Variants in NGF observed in about 807,000 individuals in gnomAD.
The protein encoded by NGF is nerve growth factor.
In NGF, 4 loss-of-function variants were observed where a neutral mutation model predicts 12.8. That is an observed-to-expected ratio of 0.31 (90% CI 0.15 to 0.72). The LOEUF is 0.72. Ranked by LOEUF, NGF falls within the 30% of genes least tolerant of loss-of-function variation. The pLI, the probability that NGF is intolerant of heterozygous loss-of-function variation, is 0.69. For synonymous variants in NGF, 140 were observed against 130.0 expected (o/e 1.08, Z -0.52); for missense variants, 283 against 330.8 (o/e 0.86, Z 1.12).
At chr1:115,291,924 G>A (rs1653714159) in intron 2 of NGF, among the ~76,000 whole-genome samples, 1 of 152,056 alleles carries the variant, frequency 6.6e-6, no homozygotes, top group African/African-American at 2.4e-5. Context: ...AGCCACGAGT[G>A]ATTCTTGGGC....
At chr1:115,310,632 G>A (rs939528824) in intron 1 of NGF, among the ~76,000 whole-genome samples, 7 of 152,298 alleles carry the variant, frequency 4.6e-5, no homozygotes, top group African/African-American at 1.7e-4. Flanking sequence ...TCCAATGTGT[G>A]TGGACATATT....
At chr1:115,299,681 A>G (rs1239928981) in intron 1 of NGF, among the ~76,000 whole-genome samples, 1 of 152,236 alleles carries the variant, frequency 6.6e-6, no homozygotes, top group Admixed American at 6.5e-5. Flanking sequence ...GCTTAGTAAT[A>G]CTAGTAATAC....
intron 2 of NGF, among the ~76,000 whole-genome samples, chr1:115,289,990 C>A (rs1653632644): frequency 6.6e-6 from 1 of 152,142 alleles, no homozygotes; most frequent in Non-Finnish European, 1.5e-5. Context: ...ACCCTCATCT[C>A]TCTTCTTCCA....
At chr1:115,303,544 T>G (rs1378701882) in intron 1 of NGF, among the ~76,000 whole-genome samples, 1 of 151,716 alleles carries the variant, frequency 6.6e-6, no homozygotes, top group Non-Finnish European at 1.5e-5. Context: ...TACCACCTCC[T>G]CCGTCATCAT....
In NGF at chr1:115,337,267, G is replaced by GTT. The variant is rs67307707; in HGVS notation, c.-137+935_-137+936dup. On this transcript the variant is annotated intron_variant, in intron 1 of 2. Transcript: ENST00000369512. The stretch of plus-strand genomic sequence containing the variant: ...TCGAAATTTTTTTTGTTTTGTTTTT[G>GTT]TTTTTTTTTTTTTTTTTTTTTTTTT... Among the ~76,000 whole-genome samples, 59 of 81,018 alleles carry GTT rather than the reference G, an allele frequency of 7.3e-4. 6 individuals are homozygous for GTT. Among genetic ancestry groups the GTT allele is most frequent in the Non-Finnish European group, 1.1e-3 (45 of 42,668 alleles). 53.2% of individuals were successfully genotyped at this position (81,018 alleles called of 152,430 possible).
chr1:115,322,543 G>A lies in NGF; in HGVS notation c.-137+15661C>T, dbSNP rs1359861412. 8.5e-5 allele frequency among the ~76,000 whole-genome samples: 13 copies of A among 152,216 alleles called. No homozygotes were observed. In the East Asian group the frequency reaches 2.3e-3, roughly 27 times the overall value. On this transcript the variant is annotated intron_variant, in intron 1 of 2. Coordinates refer to ENST00000369512, the MANE Select transcript of NGF (RefSeq NM_002506.3). ...CTGTCCCCCCCTAAATTGTGAAATA[G>A]TGCCTTAGGAACCCAGGTTGGACCT...
At chr1:115,319,556 T>C (rs1422196537) in intron 1 of NGF, among the ~76,000 whole-genome samples, 1 of 152,202 alleles carries the variant, frequency 6.6e-6, no homozygotes, top group South Asian at 2.1e-4. Context: ...ACCTTTTCTT[T>C]TGGCAAATTT....
In NGF at chr1:115,325,312, A is replaced by G. The variant is rs1455650358; in HGVS notation, c.-137+12892T>C. Reference sequence around the variant, plus strand: ...GAGACAGTCAGGGTCCAGATCGTATAAGGCAGATTTCCTCCACCCCAGAAC... The same window carrying G: ...GAGACAGTCAGGGTCCAGATCGTATGAGGCAGATTTCCTCCACCCCAGAAC... On this transcript the variant is annotated intron_variant, in intron 1 of 2. Transcript: ENST00000369512. Among the ~76,000 whole-genome samples the G allele has an allele frequency of 2.0e-5, 3 of 152,170 alleles. No homozygotes were observed. In the East Asian group the frequency reaches 5.8e-4, roughly 29 times the overall value.
intron 1 of NGF, among the ~76,000 whole-genome samples, chr1:115,315,982 C>T (rs1035992038): frequency 6.6e-6 from 1 of 152,140 alleles, no homozygotes; most frequent in Non-Finnish European, 1.5e-5. Flanking sequence ...GGCACATCAG[C>T]GGATTAAGCA....
chr1:115,304,329 A>ATTTTTTTTTTTTTTTTTTTTTTTTTTTTT lies in NGF; in HGVS notation c.-136-10580_-136-10579insAAAAAAAAAAAAAAAAAAAAAAAAAAAAA, dbSNP rs58345237. Among the ~76,000 whole-genome samples the ATTTTTTTTTTTTTTTTTTTTTTTTTTTTT allele has an allele frequency of 7.6e-4, 61 of 80,792 alleles. 4 individuals carry two copies. Among genetic ancestry groups the ATTTTTTTTTTTTTTTTTTTTTTTTTTTTT allele is most frequent in the Admixed American group, 1.3e-3 (8 of 6,186 alleles). The allele number at this position is 80,792 out of a possible 152,430, so 53.0% of individuals were successfully genotyped here. On this transcript the variant is annotated intron_variant, in intron 1 of 2. Transcript: ENST00000369512. ...AGGAGCGCACCACCATGCTTGGCTA[A>ATTTTTTTTTTTTTTTTTTTTTTTTTTTTT]TTTTTTTTTTTTTTTTGTATTTTTA...
chr1:115,304,921 T>G (rs1357031482), intron 1 of NGF, among the ~76,000 whole-genome samples: 1 of 152,132 alleles, frequency 6.6e-6, no homozygotes, highest in South Asian at 2.1e-4. Flanking sequence ...GCTGGGTCAC[T>G]AGGGTAAGTA....
At chr1:115,300,052 T>C (rs1197000121) in intron 1 of NGF, among the ~76,000 whole-genome samples, 1 of 152,254 alleles carries the variant, frequency 6.6e-6, no homozygotes, top group Non-Finnish European at 1.5e-5. Flanking sequence ...CAGTGAATGT[T>C]AACACTCAGA....
rs1375126527 is a variant in NGF at position 115,309,101 on chromosome 1, C to A, written c.-136-15351G>T. Among the ~76,000 whole-genome samples, 6 of 152,272 alleles carry A rather than the reference C, an allele frequency of 3.9e-5. No homozygotes were observed. In the East Asian group the frequency reaches 7.7e-4, roughly 20 times the overall value. Reference sequence around the variant, plus strand: ...TAGCAGAATGACGTGGAGAAGGCTGCTGGGATACCTGAAGCAATAAGGTAG... The same window carrying A: ...TAGCAGAATGACGTGGAGAAGGCTGATGGGATACCTGAAGCAATAAGGTAG... On this transcript the variant is annotated intron_variant, in intron 1 of 2. Transcript: ENST00000369512.
Position 115,286,131 on chromosome 1 carries a change from A to T in NGF, c.665T>A (p.Phe222Tyr). ...CACACAGGCCGTATCTATCCGGATA[A>T]ACCGCCAGGCAGCCTGCTTGCCATC... ...TMDGKQAAWR[F>Y]IRIDTACVCV... The change falls in exon 3 of 3, where the codon TTT becomes TAT. Residue 222 changes from phenylalanine to tyrosine, a missense_variant. This residue lies in a region of NGF where 132 missense variants were observed against 189.2 expected (regional missense o/e 0.70). Transcript: ENST00000369512. 1 of 1,613,648 alleles carries T rather than the reference A, an allele frequency of 6.2e-7. No homozygotes were observed. The highest frequency in any genetic ancestry group is 8.5e-7 in the Non-Finnish European group (1 of 1,179,674).
intron 1 of NGF, among the ~76,000 whole-genome samples, chr1:115,294,501 G>T (rs1229341592): frequency 6.6e-6 from 1 of 152,238 alleles, no homozygotes; most frequent in Non-Finnish European, 1.5e-5. Context: ...GTGCTGAGCA[G>T]CAGTAAACAA....
intron 2 of NGF, among the ~76,000 whole-genome samples, chr1:115,289,937 C>T (rs778701622): frequency 1.3e-5 from 2 of 152,114 alleles, no homozygotes; most frequent in East Asian, 1.9e-4. Flanking sequence ...TCTCTGGGCC[C>T]CTAGTTCAGG....
At chr1:115,317,165 T>C (rs1654496218) in intron 1 of NGF, among the ~76,000 whole-genome samples, 1 of 151,966 alleles carries the variant, frequency 6.6e-6, no homozygotes, top group Admixed American at 6.5e-5. Context: ...GTCATGGCCC[T>C]TGTAATTTTC....
intron 1 of NGF, among the ~76,000 whole-genome samples, chr1:115,337,267 GTTTTTTTTTTTTTTTTTTTTTTT>G (rs67307707): frequency 3.7e-5 from 3 of 81,030 alleles, no homozygotes; most frequent in Admixed American, 1.3e-4. Context: ...TTTTGTTTTT[GTTTTTTTTTTTTTTTTTTTTTTT>G]TTTTTTTTTT....
At chr1:115,299,158 C>T (rs1476982197) in intron 1 of NGF, among the ~76,000 whole-genome samples, 4 of 152,136 alleles carry the variant, frequency 2.6e-5, no homozygotes, top group Non-Finnish European at 5.9e-5. Flanking sequence ...GAAAATAATA[C>T]ATCTGGTACC....
Sources: allele counts gnomAD v4.1 joint callset (sites outside exome capture counted in the v4.1 genomes callset), GRCh38; gene constraint gnomAD v4.1.1; regional missense constraint gnomAD v4.1.1; transcripts MANE v1.5; gene names NCBI Gene and HGNC (gene_info 2026-07-23, HGNC 2026-07-21).